Variants in MAML3 observed in about 807,000 individuals in gnomAD.
MAML3 encodes mastermind-like protein 3.
A neutral mutation model predicts 101.9 loss-of-function variants in MAML3; 27 were observed. The ratio of observed to expected loss-of-function variants is 0.27; its 90% CI spans 0.20 to 0.37. The LOEUF (loss-of-function observed/expected upper bound fraction) is 0.37. MAML3 is among the 10% of genes least tolerant of loss of function. MAML3 has a pLI of 1.00. For synonymous variants in MAML3, 501 were observed against 555.9 expected, an observed-to-expected ratio of 0.90 and a Z score of 1.39; for missense variants, 1,316 against 1,444.9, an observed-to-expected ratio of 0.91 and a Z score of 1.45.
rs1344685158 is a variant in MAML3 at position 139,808,048 on chromosome 4, C to A, written c.2080-77381G>T. On this transcript the variant is annotated intron_variant, in intron 2 of 4. Transcript: ENST00000509479. ...CATATTCGGCTCTTCCTTCCCTTCA[C>A]TTTCTCTTCTCTATCCACGGGCACA... Among the ~76,000 whole-genome samples the A allele has an allele frequency of 3.3e-5, 5 of 152,342 alleles. No homozygotes were observed. The East Asian group carries it at 9.6e-4, about 29-fold the overall frequency.
intron 1 of MAML3, among the ~76,000 whole-genome samples, chr4:139,905,265 G>T (rs907662365): frequency 2.0e-5 from 3 of 152,136 alleles, no homozygotes; most frequent in Non-Finnish European, 4.4e-5. Context: ...GGCTGAAGTG[G>T]GTGGATCATG....
At chr4:139,907,355 C>G (rs1043097020) in intron 1 of MAML3, among the ~76,000 whole-genome samples, 2 of 152,142 alleles carry the variant, frequency 1.3e-5, no homozygotes, top group Admixed American at 1.3e-4. Context: ...ACTCTGGATA[C>G]AAATCAATAA....
intron 1 of MAML3, among the ~76,000 whole-genome samples, chr4:139,987,427 G>C (rs1734559872): frequency 6.6e-6 from 1 of 152,158 alleles, no homozygotes; most frequent in African/African-American, 2.4e-5. Context: ...TTTGTTCTGT[G>C]GTGGGAACGC....
intron 2 of MAML3, among the ~76,000 whole-genome samples, chr4:139,877,515 A>ATGATGAAGTAAATCTTTT (rs1205273252): frequency 6.6e-6 from 1 of 152,236 alleles, no homozygotes; most frequent in Non-Finnish European, 1.5e-5. Flanking sequence ...GTAAATCTTT[A>ATGATGAAGTAAATCTTTT]TAATAAAAAT....
At chr4:139,953,168 G>A (rs573618291) in intron 1 of MAML3, among the ~76,000 whole-genome samples, 3 of 152,204 alleles carry the variant, frequency 2.0e-5, no homozygotes, top group Non-Finnish European at 4.4e-5. Flanking sequence ...TGCTTGAGAC[G>A]TCTCTGGAAG....
chr4:140,019,958 G>T (rs1726706105), intron 1 of MAML3, among the ~76,000 whole-genome samples: 1 of 152,168 alleles, frequency 6.6e-6, no homozygotes, highest in Admixed American at 6.5e-5. Context: ...TCAGTATTGA[G>T]ATTACAAATC....
chr4:140,073,441 C>T (rs551923412), intron 1 of MAML3, among the ~76,000 whole-genome samples: 2 of 152,134 alleles, frequency 1.3e-5, no homozygotes, highest in African/African-American at 4.8e-5. Flanking sequence ...CCCAACCCTT[C>T]ACTTTTTCAA....
At chr4:140,026,495 C>G (rs1414389545) in intron 1 of MAML3, among the ~76,000 whole-genome samples, 1 of 152,138 alleles carries the variant, frequency 6.6e-6, no homozygotes, top group Non-Finnish European at 1.5e-5. Context: ...CTCAAGTACT[C>G]CACCTGCCTC....
intron 1 of MAML3, among the ~76,000 whole-genome samples, chr4:140,096,257 C>T (rs751787858): frequency 2.0e-5 from 3 of 152,156 alleles, no homozygotes; most frequent in Non-Finnish European, 4.4e-5. Context: ...GTGACAATGA[C>T]GTCAACCAGG....
intron 1 of MAML3, among the ~76,000 whole-genome samples, chr4:139,965,016 C>T (rs998320037): frequency 2.4e-4 from 36 of 152,142 alleles, no homozygotes; most frequent in Non-Finnish European, 2.2e-4. Context: ...TGCTCCAGTA[C>T]ATAACAGCAA....
intron 1 of MAML3, among the ~76,000 whole-genome samples, chr4:139,908,185 G>T (rs1022546020): frequency 2.0e-5 from 3 of 152,192 alleles, no homozygotes; most frequent in Non-Finnish European, 2.9e-5. Flanking sequence ...GTTTACTTGT[G>T]TATAGTTGGA....
intron 1 of MAML3, among the ~76,000 whole-genome samples, chr4:139,983,232 A>G (rs1734478872): frequency 6.6e-6 from 1 of 152,196 alleles, no homozygotes; most frequent in Admixed American, 6.5e-5. Context: ...CCACCACCCT[A>G]AAACATCCCT....
chr4:140,151,200 G>A (rs1729158890), intron 1 of MAML3, among the ~76,000 whole-genome samples: 1 of 152,036 alleles, frequency 6.6e-6, no homozygotes, highest in African/African-American at 2.4e-5. Flanking sequence ...GGAGGAGGAG[G>A]AAGGGAGGAG....
At chr4:140,089,964 A>G (rs1017001429) in intron 1 of MAML3, among the ~76,000 whole-genome samples, 6 of 152,252 alleles carry the variant, frequency 3.9e-5, no homozygotes, top group Non-Finnish European at 1.5e-5. Context: ...CAAAATTCAC[A>G]GAAAGGTACA....
At chr4:139,852,326 C>T (rs140122542) in intron 2 of MAML3, among the ~76,000 whole-genome samples, 4 of 151,204 alleles carry the variant, frequency 2.6e-5, no homozygotes, top group Non-Finnish European at 5.9e-5. Flanking sequence ...ATAGAAAGCA[C>T]CATAGGTCCA....
At chr4:139,962,089 T>C (rs1246535269) in intron 1 of MAML3, among the ~76,000 whole-genome samples, 1 of 150,898 alleles carries the variant, frequency 6.6e-6, no homozygotes, top group Non-Finnish European at 1.5e-5. Context: ...TGCCACCGCA[T>C]TCCAGCCTGG....
At chr4:139,975,360 T>G (rs1734309470) in intron 1 of MAML3, among the ~76,000 whole-genome samples, 2 of 152,192 alleles carry the variant, frequency 1.3e-5, no homozygotes, top group Admixed American at 6.5e-5. Context: ...ATGTCACTTT[T>G]CAGTGAAGCC....
At chr4:140,007,405 T>C (rs1252807455) in intron 1 of MAML3, among the ~76,000 whole-genome samples, 1 of 152,204 alleles carries the variant, frequency 6.6e-6, no homozygotes, top group African/African-American at 2.4e-5. Context: ...CTGGGATTCT[T>C]CCTAATGCTA....
chr4:139,889,769 G>A lies in MAML3; in HGVS notation c.1667C>T (p.Pro556Leu). Residue 556 changes from proline to leucine, a missense_variant, in exon 2 of 5, where the codon CCA becomes CTA. Physicochemically the swap from Pro to Leu is moderately conservative, Grantham distance 98. Coordinates refer to ENST00000509479, the MANE Select transcript of MAML3 (RefSeq NM_018717.5). ...TGTCTTCTGCAGGTTGTTTGCCATT[G>A]GAGGCACTATAGGGTTTTGGTTGTT... ...AFNNQNPIVP[P>L]MANNLQKTTM... The A allele has an allele frequency of 6.2e-7, 1 of 1,614,020 alleles. No individual in the cohort carries two copies. The highest frequency in any genetic ancestry group is 1.1e-5 in the South Asian group (1 of 91,086).
Sources: allele counts gnomAD v4.1 joint callset (sites outside exome capture counted in the v4.1 genomes callset), GRCh38; gene constraint gnomAD v4.1.1; transcripts MANE v1.5; gene names NCBI Gene and HGNC (gene_info 2026-07-23, HGNC 2026-07-21).